Variants in AFDN observed in about 807,000 individuals in gnomAD.
AFDN encodes afadin.
Under a neutral mutation model 216.6 loss-of-function variants are expected in AFDN, and 68 were observed. The observed-to-expected ratio is 0.31, with a 90% confidence interval of 0.26 to 0.38. AFDN has a LOEUF of 0.38. AFDN is among the 10% of genes least tolerant of loss of function. The pLI, the probability that AFDN is intolerant of heterozygous loss-of-function variation, is 1.00. For synonymous variants in AFDN, 868 were observed against 853.7 expected, an observed-to-expected ratio of 1.02 and a Z score of -0.29; for missense variants, 2,136 against 2,342.0, an observed-to-expected ratio of 0.91 and a Z score of 1.82.
intron 29 of AFDN, among the ~76,000 whole-genome samples, chr6:167,949,112 G>T (rs754648949): frequency 1.4e-4 from 21 of 152,224 alleles, no homozygotes; most frequent in Non-Finnish European, 2.6e-4. Flanking sequence ...TTAGTAGACG[G>T]GTGATGCCAA....
Position 167,962,621 on chromosome 6 carries a change from C to A in AFDN, c.4968+54C>A. ...TTTACCAAGTTAGCCTGAACGTAAT[C>A]GATTGGCTGGGGCAGAGCGGGCTGG... On this transcript the variant is annotated intron_variant, in intron 31 of 33. Transcript: ENST00000683244. This position sits in a 1 kb window ranked among gnomAD's most constrained non-coding sequence, Gnocchi z 5.2. 1 of 1,611,402 alleles carries A rather than the reference C, an allele frequency of 6.2e-7. No homozygotes were observed. Among genetic ancestry groups the A allele is most frequent in the South Asian group, 1.1e-5 (1 of 90,950 alleles).
Position 167,965,889 on chromosome 6 carries a change from C to T in AFDN, c.5101C>T (p.Pro1701Ser), listed in dbSNP as rs1797495339. The change falls in exon 32 of 34, where the codon CCC (proline) becomes TCC (serine). Residue 1701 changes from proline to serine, a missense_variant. By Grantham distance (74) the Pro-to-Ser change is moderately conservative (BLOSUM62 -1). Around this residue, in one of 8 missense-constraint regions of AFDN, gnomAD observed 981 missense variants for 966.0 expected, o/e 1.02. Transcript: ENST00000683244. ...CCCTCCGCTTCCCCGGGACTACGAG[C>T]CCCCGTCCCCGTCCCCCGCGCCCGG... Reference protein sequence around the residue: ...CRPPLPRDYEPPSPSPAPGAP... With the variant: ...CRPPLPRDYESPSPSPAPGAP... The T allele has an allele frequency of 1.3e-6, 2 of 1,548,822 alleles. No homozygotes were observed. The highest frequency in any genetic ancestry group is 1.7e-6 in the Non-Finnish European group (2 of 1,146,482).
chr6:167,950,097 ACT>A (rs1795794093), intron 29 of AFDN, among the ~76,000 whole-genome samples: 1 of 152,020 alleles, frequency 6.6e-6, no homozygotes, highest in African/African-American at 2.4e-5. Flanking sequence ...CAGTAATGAG[ACT>A]CTGTGTACTA....
At chr6:167,876,659 A>G (rs537100148) in intron 5 of AFDN, among the ~76,000 whole-genome samples, 1 of 152,362 alleles carries the variant, frequency 6.6e-6, no homozygotes, top group East Asian at 1.9e-4. Context: ...GGCTAGAGGT[A>G]GTGAGTCATG....
intron 23 of AFDN, among the ~76,000 whole-genome samples, chr6:167,927,052 A>G (rs938685718): frequency 6.6e-6 from 1 of 152,232 alleles, no homozygotes; most frequent in Admixed American, 6.5e-5. Flanking sequence ...TGAATTAGCT[A>G]TGAGGAAAAT....
intron 31 of AFDN, among the ~76,000 whole-genome samples, chr6:167,965,526 A>G (rs768169932): frequency 1.3e-5 from 2 of 152,236 alleles, no homozygotes; most frequent in Non-Finnish European, 2.9e-5. Context: ...CTGAGAATCC[A>G]TTCCATGCTT....
intron 6 of AFDN, among the ~76,000 whole-genome samples, chr6:167,882,720 C>G (rs190960758): frequency 6.3e-4 from 96 of 152,252 alleles, no homozygotes; most frequent in African/African-American, 2.1e-3. Context: ...GCTAGAATCT[C>G]TCAGGACTGA....
At chr6:167,826,891 G>T (rs1562507261), upstream of AFDN, 1 of 145,030 alleles carries the variant, frequency 6.9e-6, no homozygotes, top group Non-Finnish European at 1.5e-5. Context: ...GGTGCGGGCG[G>T]CGGGCGGCGG....
chr6:167,837,432 G>A (rs186717740), intron 1 of AFDN, among the ~76,000 whole-genome samples: 61 of 149,276 alleles, frequency 4.1e-4, no homozygotes, highest in Non-Finnish European at 7.2e-4. Flanking sequence ...AAAAGTTTGC[G>A]TGTATGTTTA....
In AFDN at chr6:167,916,170, A is replaced by G. The variant is rs115409475; in HGVS notation, c.2565+737A>G. On this transcript the variant is annotated intron_variant, in intron 19 of 33. Transcript: ENST00000683244. Reference sequence around the variant, plus strand: ...ACGCAGTTGGCATTCTTTGGCCTGTAGATGCATCATCCCAGTCCCTGCCTT... The same window carrying G: ...ACGCAGTTGGCATTCTTTGGCCTGTGGATGCATCATCCCAGTCCCTGCCTT... 7.0e-3 allele frequency among the ~76,000 whole-genome samples: 1,064 copies of G among 152,294 alleles called. 16 individuals are homozygous for G. Among genetic ancestry groups the G allele is most frequent in the African/African-American group, 0.024 (1,012 of 41,564 alleles).
At chr6:167,955,733 T>G (rs1796436829) in intron 30 of AFDN, among the ~76,000 whole-genome samples, 3 of 152,170 alleles carry the variant, frequency 2.0e-5, no homozygotes, top group Admixed American at 2.0e-4. Flanking sequence ...GATAATTATT[T>G]TGAGTATTAA....
At chr6:167,931,036 G>A (rs1414678628) in intron 23 of AFDN, among the ~76,000 whole-genome samples, 1 of 152,148 alleles carries the variant, frequency 6.6e-6, no homozygotes, top group Non-Finnish European at 1.5e-5. Context: ...GGTTTGCTCT[G>A]TGTGCAGAGG....
At chr6:167,889,632 ATGTGGATGGCTTTT>A (rs1409180087) in intron 7 of AFDN, among the ~76,000 whole-genome samples, 15 of 152,264 alleles carry the variant, frequency 9.9e-5, no homozygotes, top group African/African-American at 3.6e-4. Flanking sequence ...GGGTTTCTCC[ATGTGGATGGCTTTT>A]TGCTGTAGAG....
Position 167,914,276 on chromosome 6 carries a change from C to G in AFDN, c.2167C>G (p.Gln723Glu). 16 of 1,614,082 alleles carry G rather than the reference C, an allele frequency of 9.9e-6. No homozygotes were observed. Among genetic ancestry groups the G allele is most frequent in the Non-Finnish European group, 1.3e-5 (15 of 1,180,002 alleles). ...RDLSRITLDA[Q>E]DVLAHLVQMA... ...CCTTAGTCGGATCACACTGGATGCTCAAGATGTTTTAGCACATTTGGTTCA... is the reference window on the plus strand; with the variant it reads ...CCTTAGTCGGATCACACTGGATGCTGAAGATGTTTTAGCACATTTGGTTCA... Residue 723 changes from glutamine (Q) to glutamate (E), a missense_variant, in exon 17 of 34, where the codon CAA becomes GAA. By Grantham distance (29) the Gln-to-Glu change is conservative. Around this residue, in one of 8 missense-constraint regions of AFDN, gnomAD observed 817 missense variants for 965.7 expected, o/e 0.85. Coordinates refer to ENST00000683244, the MANE Select transcript of AFDN (RefSeq NM_001386888.1).
chr6:167,837,989 C>CATA (rs1780637280), intron 1 of AFDN, among the ~76,000 whole-genome samples: 1 of 152,170 alleles, frequency 6.6e-6, no homozygotes, highest in South Asian at 2.1e-4. Flanking sequence ...TTATTTCATA[C>CATA]ATAAATACAT....
At chr6:167,937,394 C>A (rs1195585091) in intron 23 of AFDN, among the ~76,000 whole-genome samples, 1 of 152,112 alleles carries the variant, frequency 6.6e-6, no homozygotes, top group African/African-American at 2.4e-5. Flanking sequence ...GAATTGAGGT[C>A]TCTAATAATC....
At position 167,914,158 on chromosome 6, in the gene AFDN, C is replaced by T. The variant is rs780605447; in HGVS notation, c.2059-10C>T. 6.2e-7 allele frequency: 1 copy of T among 1,612,742 alleles called. No homozygotes were observed. On this transcript the variant is annotated splice_polypyrimidine_tract_variant and intron_variant, in intron 16 of 33. Coordinates refer to ENST00000683244, the MANE Select transcript of AFDN (RefSeq NM_001386888.1). ...TCTCTGTTGCTTATGGAAGTGTGTTCTGTCTACAGAAACAGAAGAATATTG... is the reference window on the plus strand; with the variant it reads ...TCTCTGTTGCTTATGGAAGTGTGTTTTGTCTACAGAAACAGAAGAATATTG...
Position 167,962,571 on chromosome 6 carries a change from A to G in AFDN, c.4968+4A>G, listed in dbSNP as rs1372198382. On this transcript the variant is annotated splice_donor_region_variant and intron_variant, in intron 31 of 33. Transcript: ENST00000683244. The surrounding 1 kb of genome is among the most constrained non-coding windows in gnomAD (Gnocchi z 5.2). ...AAAACGAGACGCTGAAGAAAAGGTT[A>G]TGGTCCTTTAAGGGCAGCTAGAATT... is the stretch of plus-strand genomic sequence containing the variant. 2 of 1,613,952 alleles carry G rather than the reference A, an allele frequency of 1.2e-6. No individual in the cohort carries two copies. The highest frequency in any genetic ancestry group is 1.7e-6 in the Non-Finnish European group (2 of 1,179,868).
chr6:167,844,094 A>C (rs1462671855), intron 1 of AFDN, among the ~76,000 whole-genome samples: 2 of 151,844 alleles, frequency 1.3e-5, no homozygotes, highest in Non-Finnish European at 2.9e-5. Context: ...TCTCCTCTGA[A>C]TTCTAGCTAT....
Sources: gnomAD v4.1 joint callset for allele counts (sites outside exome capture counted in the v4.1 genomes callset) on GRCh38, gnomAD v4.1.1 for gene constraint, gnomAD v4.1.1 regional missense constraint, Gnocchi (gnomAD v3.1) non-coding constraint, MANE v1.5 for transcripts, NCBI Gene and HGNC (gene_info 2026-07-23, HGNC 2026-07-21) for gene names.